The following DPY19L2 variants were observed in gnomAD, a reference collection of about 807,000 sequenced individuals.
The protein encoded by DPY19L2 is dpy-19 like 2.
Under a neutral mutation model 97.9 loss-of-function variants are expected in DPY19L2, and 34 were observed. The observed-to-expected ratio is 0.35, with a 90% CI of 0.26 to 0.46. The LOEUF (loss-of-function observed/expected upper bound fraction) is 0.46, where lower values mean the gene tolerates loss of function less well. Among genes scored for constraint, DPY19L2 ranks in the 20% least tolerant of loss-of-function variants. DPY19L2 has a pLI of 1.00. For synonymous variants in DPY19L2, 230 were observed against 307.9 expected, an observed-to-expected ratio of 0.75 and a Z score of 2.65; for missense variants, 623 against 911.4, an observed-to-expected ratio of 0.68 and a Z score of 4.07.
rs755355598 is a variant in DPY19L2, at chr12:63,569,316, A to C, written c.2034T>G (p.Ser678Arg). Residue 678 changes from serine to arginine, a missense_variant, in exon 21 of 22, where the codon AGT (serine) becomes AGG (arginine). Coordinates refer to ENST00000324472, the MANE Select transcript of DPY19L2 (RefSeq NM_173812.5). ...ARTKIVYSTY[S>R]RKSAKEVRDK... is the part of the protein sequence containing the mutation. Reference sequence around the variant, plus strand: ...CTCTTACTTCTTTGGCAGATTTTCGACTATATGTAGAATAAACTATTTTTG... The same window carrying C: ...CTCTTACTTCTTTGGCAGATTTTCGCCTATATGTAGAATAAACTATTTTTG... 1.3e-6 allele frequency: 2 copies of C among 1,597,130 alleles called. No individual in the cohort carries two copies. Among genetic ancestry groups the C allele is most frequent in the Non-Finnish European group, 1.7e-6 (2 of 1,173,290 alleles).
chr12:63,573,500 T>C (rs1277174550), intron 19 of DPY19L2, among the ~76,000 whole-genome samples: 1 of 151,844 alleles, frequency 6.6e-6, no homozygotes, highest in Non-Finnish European at 1.5e-5. Context: ...AAAGAGGAGG[T>C]AGAGAGAGAC....
intron 12 of DPY19L2, among the ~76,000 whole-genome samples, chr12:63,604,730 C>T (rs1440595617): frequency 1.3e-5 from 2 of 152,110 alleles, no homozygotes; most frequent in Non-Finnish European, 1.5e-5. Context: ...GCTTTTATAG[C>T]CTTTTCATTT....
intron 14 of DPY19L2, among the ~76,000 whole-genome samples, chr12:63,596,672 G>A (rs1205048729): frequency 6.6e-6 from 1 of 152,144 alleles, no homozygotes; most frequent in African/African-American, 2.4e-5. Flanking sequence ...GGATGGATAA[G>A]AGAAGAATGT....
intron 19 of DPY19L2, 21 bp downstream of exon 19, chr12:63,580,641 T>A (rs1243665911): frequency 1.3e-6 from 2 of 1,584,156 alleles, no homozygotes; most frequent in South Asian, 2.4e-5. Context: ...AAAACTAGCA[T>A]ATAACCAAAT....
At chr12:63,629,439 T>C (rs1184189361) in intron 6 of DPY19L2, among the ~76,000 whole-genome samples, 1 of 152,112 alleles carries the variant, frequency 6.6e-6, no homozygotes, top group Non-Finnish European at 1.5e-5. Context: ...CAGTAGCCAA[T>C]TCGATCAACT....
At chr12:63,646,971 T>C (rs989113610) in intron 5 of DPY19L2, among the ~76,000 whole-genome samples, 1 of 152,156 alleles carries the variant, frequency 6.6e-6, no homozygotes, top group African/African-American at 2.4e-5. Context: ...TCTTTCTGTA[T>C]CTTCTCATTC....
chr12:63,587,870 C>G (rs7294579), intron 16 of DPY19L2, among the ~76,000 whole-genome samples: 59,578 of 151,678 alleles, frequency 0.39, 11,914 homozygotes, highest in East Asian at 0.48. Flanking sequence ...CGAACCCGGC[C>G]TAAAACTAGT....
At chr12:63,562,458 C>T (rs1214362613) in intron 21 of DPY19L2, among the ~76,000 whole-genome samples, 1 of 152,058 alleles carries the variant, frequency 6.6e-6, no homozygotes, top group African/African-American at 2.4e-5. Flanking sequence ...CAGTTTGGGG[C>T]TAATACAGAA....
At chr12:63,577,533 C>T (rs1431874899) in intron 19 of DPY19L2, among the ~76,000 whole-genome samples, 3 of 152,000 alleles carry the variant, frequency 2.0e-5, no homozygotes, top group Non-Finnish European at 4.4e-5. Flanking sequence ...TTGCAAACTA[C>T]CAATCTGACA....
At chr12:63,646,037 G>A (rs1407962690) in intron 5 of DPY19L2, among the ~76,000 whole-genome samples, 4 of 142,238 alleles carry the variant, frequency 2.8e-5, no homozygotes, top group Non-Finnish European at 6.5e-5. Flanking sequence ...GTTCTCTCTT[G>A]TTTCAGGGTA....
intron 6 of DPY19L2, among the ~76,000 whole-genome samples, chr12:63,631,971 T>G (rs1337871993): frequency 6.6e-6 from 1 of 152,112 alleles, no homozygotes; most frequent in African/African-American, 2.4e-5. Context: ...AACCATATGA[T>G]TATCTCAATA....
chr12:63,612,293 T>C (rs139140350), intron 11 of DPY19L2, among the ~76,000 whole-genome samples: 2,477 of 152,110 alleles, frequency 0.016, 74 homozygotes, highest in African/African-American at 0.056. Context: ...TAGGTCAATC[T>C]GGCTGTACAC....
chr12:63,660,558 A>G (rs1390931473), intron 4 of DPY19L2, among the ~76,000 whole-genome samples: 1 of 152,068 alleles, frequency 6.6e-6, no homozygotes, highest in African/African-American at 2.4e-5. Context: ...TTATTTTAAA[A>G]TAGCTGATGC....
rs1180268557 is a variant in DPY19L2, at chr12:63,570,914, T to C, written c.1901-57A>G. 3 of 1,560,256 alleles carry C rather than the reference T, an allele frequency of 1.9e-6. No homozygotes were observed. The East Asian group carries it at 6.9e-5, about 36-fold the overall frequency. ...TAAATGTTTTAAAGAAAATCAGAAGTTAAACTTACCTCTAATATGTGAACC... is the reference window on the plus strand; with the variant it reads ...TAAATGTTTTAAAGAAAATCAGAAGCTAAACTTACCTCTAATATGTGAACC... On this transcript the variant is annotated intron_variant, in intron 19 of 21. Coordinates refer to ENST00000324472, the MANE Select transcript of DPY19L2 (RefSeq NM_173812.5).
At chr12:63,667,595 C>G (rs1378209639) in intron 1 of DPY19L2, among the ~76,000 whole-genome samples, 1 of 152,164 alleles carries the variant, frequency 6.6e-6, no homozygotes, top group Non-Finnish European at 1.5e-5. Context: ...CTCCCAACTT[C>G]TTTTATTTCC....
chr12:63,651,661 G>A (rs1424029066), intron 4 of DPY19L2: 60 of 441,506 alleles, frequency 1.4e-4, no homozygotes, highest in Non-Finnish European at 6.5e-5. Flanking sequence ...GAGACTGCGC[G>A]GTGCATTGAG....
In DPY19L2 at chr12:63,560,586, G is replaced by C. The variant is rs1392008116; in HGVS notation, c.2203C>G (p.Leu735Val). Residue 735 changes from leucine (L) to valine (V), a missense_variant, in exon 22 of 22, where the codon CTG becomes GTG. Coordinates refer to ENST00000324472, the MANE Select transcript of DPY19L2 (RefSeq NM_173812.5). Reference sequence around the variant, plus strand: ...AAGTAAGGCCTGGCGTCTTCGAGCAGGACGCTACATAAGGGAGGGTTAGCT... The same window carrying C: ...AAGTAAGGCCTGGCGTCTTCGAGCACGACGCTACATAAGGGAGGGTTAGCT... ...NAANPPLCSV[L>V]LEDARPYFTT... 1 of 1,614,024 alleles carries C rather than the reference G, an allele frequency of 6.2e-7. No individual in the cohort carries two copies. Among genetic ancestry groups the C allele is most frequent in the South Asian group, 1.1e-5 (1 of 91,084 alleles).
intron 6 of DPY19L2, among the ~76,000 whole-genome samples, chr12:63,638,666 A>C (rs1426753750): frequency 1.3e-5 from 2 of 152,132 alleles, no homozygotes; most frequent in Non-Finnish European, 2.9e-5. Flanking sequence ...GGACCTCTTC[A>C]AGGAGAACCA....
chr12:63,594,464 A>AGAGAGTGTGT (rs1555189197), intron 15 of DPY19L2, among the ~76,000 whole-genome samples: 3 of 125,016 alleles, frequency 2.4e-5, no homozygotes, highest in African/African-American at 1.1e-4. Flanking sequence ...AGAGAGAGAT[A>AGAGAGTGTGT]GTGTGTGTGT....
Sources: gnomAD v4.1 joint callset for allele counts (sites outside exome capture counted in the v4.1 genomes callset) on GRCh38, gnomAD v4.1.1 for gene constraint, MANE v1.5 for transcripts, NCBI Gene and HGNC (gene_info 2026-07-23, HGNC 2026-07-21) for gene names.